Variants in WRN observed in about 807,000 individuals in gnomAD.
The protein encoded by WRN is bifunctional 3'-5' exonuclease/ATP-dependent helicase WRN.
In WRN, 149 loss-of-function variants were observed where a neutral mutation model predicts 180.7. That is an observed-to-expected ratio of 0.82 (90% CI 0.72 to 0.94). The LOEUF (loss-of-function observed/expected upper bound fraction) is 0.94, where lower values mean the gene tolerates loss of function less well. WRN is among the 40% of genes least tolerant of loss of function. The pLI is 0.00. For missense variants in WRN, 1,661 were observed against 1,700.1 expected, an observed-to-expected ratio of 0.98 and a Z score of 0.40; for synonymous variants, 548 against 568.9, an observed-to-expected ratio of 0.96 and a Z score of 0.52.
At chr8:31,079,750 G>A (rs1350320210) in intron 8 of WRN, among the ~76,000 whole-genome samples, 1 of 152,156 alleles carries the variant, frequency 6.6e-6, no homozygotes, top group African/African-American at 2.4e-5. Flanking sequence ...AGTGTTTTGA[G>A]ATTTTTGGAG....
chr8:31,116,505 A>C lies in WRN; in HGVS notation c.2425A>C (p.Arg809=). ...SFSTRKDIHH[R]FVRDEIQCVI... ...TAGCACAAGGAAAGACATTCATCAT[A>C]GGTTTGTAAGAGATGAAATTCAGGT... The change falls in exon 20 of 35, where the codon AGG becomes CGG. Residue 809 remains arginine, a synonymous_variant. Coordinates refer to ENST00000298139, the MANE Select transcript of WRN (RefSeq NM_000553.6). 1 of 1,613,978 alleles carries C rather than the reference A, an allele frequency of 6.2e-7. No homozygotes were observed. Among genetic ancestry groups the C allele is most frequent in the Non-Finnish European group, 8.5e-7 (1 of 1,179,888 alleles).
intron 24 of WRN, among the ~76,000 whole-genome samples, chr8:31,136,582 T>G (rs530866827): frequency 6.6e-6 from 1 of 152,272 alleles, no homozygotes; most frequent in Non-Finnish European, 1.5e-5. Context: ...CACCTGTAAT[T>G]TCAGCACTTT....
At chr8:31,104,017 A>T (rs1448524886) in intron 18 of WRN, among the ~76,000 whole-genome samples, 1 of 152,190 alleles carries the variant, frequency 6.6e-6, no homozygotes, top group East Asian at 1.9e-4. Flanking sequence ...TACAGGCGTG[A>T]GCCACTGCGC....
At chr8:31,125,142 CAA>C in intron 23 of WRN, 142 bp downstream of exon 23, 1 of 789,566 alleles carries the variant, frequency 1.3e-6, no homozygotes, top group Non-Finnish European at 2.1e-6. Context: ...AGAAAGCAAA[CAA>C]TATTAAAGTA....
chr8:31,095,708 A>G (rs369135593), intron 16 of WRN, among the ~76,000 whole-genome samples: 1 of 152,134 alleles, frequency 6.6e-6, no homozygotes. Flanking sequence ...ATGTGGGTCT[A>G]TTGCTGCACT....
intron 18 of WRN, among the ~76,000 whole-genome samples, chr8:31,109,250 A>G (rs1387990549): frequency 6.6e-6 from 1 of 152,224 alleles, no homozygotes; most frequent in African/African-American, 2.4e-5. Context: ...AAATGTATCC[A>G]ATGAAAACGA....
chr8:31,096,952 A>C, intron 17 of WRN, 102 bp downstream of exon 17: 1 of 1,082,940 alleles, frequency 9.2e-7, no homozygotes, highest in East Asian at 2.5e-5. Context: ...AGTTTATTTC[A>C]AACATTACTT....
chr8:31,167,336 T>A, intron 34 of WRN, 106 bp downstream of exon 34: 3 of 915,938 alleles, frequency 3.3e-6, no homozygotes, highest in Non-Finnish European at 5.0e-6. Context: ...TCTGATATGA[T>A]TACTTTCTCT....
At chr8:31,081,418 A>G in intron 9 of WRN, 122 bp downstream of exon 9, 1 of 1,029,772 alleles carries the variant, frequency 9.7e-7, no homozygotes, top group Non-Finnish European at 1.4e-6. Context: ...TGTTGCAGTA[A>G]CTCAGTTCTG....
At chr8:31,087,699 A>G (rs577045137) in intron 11 of WRN, 77 bp from the exon 12 acceptor site, 16 of 1,472,330 alleles carry the variant, frequency 1.1e-5, no homozygotes, top group East Asian at 2.3e-5. Context: ...CCTGTTAATA[A>G]TAGTCCTTTT....
intron 3 of WRN, among the ~76,000 whole-genome samples, chr8:31,059,611 A>C (rs1166601766): frequency 6.6e-6 from 1 of 152,180 alleles, no homozygotes; most frequent in Non-Finnish European, 1.5e-5. Flanking sequence ...TTACCAATTT[A>C]GGGAAAAAGT....
intron 24 of WRN, among the ~76,000 whole-genome samples, chr8:31,138,717 A>T (rs932113887): frequency 3.3e-5 from 5 of 152,220 alleles, no homozygotes; most frequent in African/African-American, 4.8e-5. Flanking sequence ...AATCATCAGG[A>T]CACCAAAATT....
intron 8 of WRN, among the ~76,000 whole-genome samples, chr8:31,077,058 G>A (rs991468647): frequency 1.3e-5 from 2 of 152,104 alleles, no homozygotes; most frequent in Non-Finnish European, 2.9e-5. Flanking sequence ...CTCTTACTTG[G>A]AATAGAAAGA....
At chr8:31,137,089 A>G (rs1423877675) in intron 24 of WRN, among the ~76,000 whole-genome samples, 1 of 141,862 alleles carries the variant, frequency 7.0e-6, no homozygotes, top group African/African-American at 2.6e-5. Flanking sequence ...TACTTGTTTT[A>G]GTTTGGATTC....
chr8:31,151,116 C>T (rs1397463331), intron 31 of WRN, among the ~76,000 whole-genome samples: 1 of 152,192 alleles, frequency 6.6e-6, no homozygotes, highest in Non-Finnish European at 1.5e-5. Context: ...TTCTTCCTTA[C>T]AGTTGTTCAC....
chr8:31,055,111 G>A (rs1011553318), intron 1 of WRN, among the ~76,000 whole-genome samples: 2 of 152,070 alleles, frequency 1.3e-5, no homozygotes, highest in Non-Finnish European at 2.9e-5. Context: ...TCTTTATCTA[G>A]TCTATCATTG....
chr8:31,111,701 C>T lies in WRN; in HGVS notation c.2175C>T (p.Ile725=), dbSNP rs771754762. The T allele has an allele frequency of 1.9e-6, 3 of 1,613,952 alleles. No individual in the cohort carries two copies. In the African/African-American group the frequency reaches 4.0e-5, roughly 22 times the overall value. ...VRCLNLRNPQ[I]TCTGFDRPNL... ...GCTTAAATCTGAGAAATCCTCAGATCACCTGTACTGGTTTTGATCGACCAA... is the reference window on the plus strand; with the variant it reads ...GCTTAAATCTGAGAAATCCTCAGATTACCTGTACTGGTTTTGATCGACCAA... Residue 725 remains isoleucine, a synonymous_variant, in exon 19 of 35, where the codon ATC becomes ATT. Transcript: ENST00000298139.
intron 11 of WRN, 82 bp downstream of exon 11, chr8:31,085,328 C>G: frequency 2.8e-6 from 4 of 1,422,880 alleles, no homozygotes; most frequent in Non-Finnish European, 3.9e-6. Context: ...TAATTCTAAA[C>G]CAGGTTCCAC....
intron 16 of WRN, among the ~76,000 whole-genome samples, chr8:31,092,971 G>T (rs1399458708): frequency 1.3e-5 from 2 of 152,034 alleles, no homozygotes; most frequent in African/African-American, 4.8e-5. Flanking sequence ...CAGAGTCAGG[G>T]TCTCCTTCTG....
Sources: gnomAD v4.1 joint callset for allele counts (sites outside exome capture counted in the v4.1 genomes callset) on GRCh38, gnomAD v4.1.1 for gene constraint, MANE v1.5 for transcripts, NCBI Gene and HGNC (gene_info 2026-07-23, HGNC 2026-07-21) for gene names.